Variants in CDKN2B observed in about 807,000 individuals in gnomAD.
The protein encoded by CDKN2B is cyclin dependent kinase inhibitor 2B.
A neutral mutation model predicts 7.7 loss-of-function variants in CDKN2B; 8 were observed. That is an observed-to-expected ratio of 1.04 (90% CI 0.61 to 1.87). CDKN2B has a LOEUF of 1.87. Ranked by LOEUF, CDKN2B falls within the 40% of genes most tolerant of loss-of-function variation. The pLI is 0.00. For missense variants in CDKN2B, 244 were observed against 213.1 expected (o/e 1.15, Z -0.90); for synonymous variants, 93 against 95.8 (o/e 0.97, Z 0.17).
chr9:22,009,058 T>G lies in CDKN2B; in HGVS notation c.-105A>C. On this transcript the variant is annotated 5_prime_UTR_variant, in exon 1 of 2. Transcript: ENST00000276925. The stretch of plus-strand genomic sequence containing the variant: ...ACGCTGCTCCGGCGCACTCTCTCCT[T>G]CCTAGGAGACCTGGGCTCAGCTTCA... The G allele has an allele frequency of 6.6e-7, 1 of 1,515,040 alleles. No individual in the cohort carries two copies. Among genetic ancestry groups the G allele is most frequent in the South Asian group, 1.1e-5 (1 of 87,854 alleles). 93.8% of individuals were successfully genotyped at this position (1,515,040 alleles called of 1,614,324 possible).
rs1821138261 is a variant in CDKN2B, at chr9:22,005,687, C to T, written c.*300G>A. ...CAGTCAAGGATTTCATATGCACTTT[C>T]CCTCAGAAAACCCTGAAAAGCAAAC... On this transcript the variant is annotated 3_prime_UTR_variant, in exon 2 of 2. Coordinates refer to ENST00000276925, the MANE Select transcript of CDKN2B (RefSeq NM_004936.4). The surrounding 1 kb of genome is among the most constrained non-coding windows in gnomAD (Gnocchi z 4.9). 3.8e-6 allele frequency: 2 copies of T among 526,876 alleles called. No individual in the cohort carries two copies. The highest frequency in any genetic ancestry group is 2.1e-5 in the South Asian group (1 of 47,930). 32.6% of individuals were successfully genotyped at this position (526,876 alleles called of 1,614,324 possible).
Position 22,009,243 on chromosome 9 carries a change from CTCTG to C in CDKN2B, c.-294_-291del. 1 of 558,742 alleles carries C rather than the reference CTCTG, an allele frequency of 1.8e-6. No homozygotes were observed. Among genetic ancestry groups the C allele is most frequent in the African/African-American group, 1.9e-5 (1 of 53,148 alleles). The allele number at this position is 558,742 out of a possible 1,614,324, so 34.6% of individuals were successfully genotyped here. A position where few individuals can be genotyped will look rare whatever the true frequency, so the allele number is the denominator to read the frequency against. ...GCGGACGCAGCCGAGCTCAAAGCCG[CTCTG>C]GCCGCAGGGTGCGGACGCGTCGCGG... is the stretch of plus-strand genomic sequence containing the variant. On this transcript the variant is annotated 5_prime_UTR_variant, in exon 1 of 2. Coordinates refer to ENST00000276925, the MANE Select transcript of CDKN2B (RefSeq NM_004936.4).
chr9:22,004,688 G>A lies in CDKN2B; in HGVS notation c.*1299C>T. 4.3e-6 allele frequency: 1 copy of A among 232,804 alleles called. No homozygotes were observed. Among genetic ancestry groups the A allele is most frequent in the East Asian group, 6.1e-5 (1 of 16,478 alleles). The allele number at this position is 232,804 out of a possible 1,614,324, so 14.4% of individuals were successfully genotyped here. The stretch of plus-strand genomic sequence containing the variant: ...ACCTTTAGTTTGTTCAGTGATAGTA[G>A]GACATCCCACGAGCCATCATATATT... On this transcript the variant is annotated 3_prime_UTR_variant, in exon 2 of 2. Transcript: ENST00000276925.
chr9:22,005,546 A>G lies in CDKN2B; in HGVS notation c.*441T>C, dbSNP rs1292896852. 1.1e-5 allele frequency: 4 copies of G among 366,232 alleles called. No homozygotes were observed. The highest frequency in any genetic ancestry group is 2.0e-5 in the Non-Finnish European group (4 of 197,002). The allele number at this position is 366,232 out of a possible 1,614,324, so 22.7% of individuals were successfully genotyped here. A position where few individuals can be genotyped will look rare whatever the true frequency, so the allele number is the denominator to read the frequency against. ...AGTTGTGGGTTCACCATAACTCCTC[A>G]GCAGACATTGGAGTGAACGCATCGA... is the stretch of plus-strand genomic sequence containing the variant. On this transcript the variant is annotated 3_prime_UTR_variant, in exon 2 of 2. Transcript: ENST00000276925. This position sits in a 1 kb window ranked among gnomAD's most constrained non-coding sequence, Gnocchi z 4.9.
At chr9:22,008,538 T>TCCTTG in intron 1 of CDKN2B, 1 of 845,148 alleles carries the variant, frequency 1.2e-6, no homozygotes, top group Non-Finnish European at 1.8e-6. Flanking sequence ...TCTCCCCAAT[T>TCCTTG]CAGTCTATTC....
Position 22,005,710 on chromosome 9 carries a change from A to T in CDKN2B, c.*277T>A, listed in dbSNP as rs956480469. On this transcript the variant is annotated 3_prime_UTR_variant, in exon 2 of 2. Coordinates refer to ENST00000276925, the MANE Select transcript of CDKN2B (RefSeq NM_004936.4). The surrounding 1 kb of genome is among the most constrained non-coding windows in gnomAD (Gnocchi z 4.9). Reference sequence around the variant, plus strand: ...TTCCCTCAGAAAACCCTGAAAAGCAAACGACCCCTGGAATGTCACACACTC... The same window carrying T: ...TTCCCTCAGAAAACCCTGAAAAGCATACGACCCCTGGAATGTCACACACTC... 3.4e-5 allele frequency: 19 copies of T among 556,638 alleles called. No individual in the cohort carries two copies. Among genetic ancestry groups the T allele is most frequent in the African/African-American group, 3.4e-4 (18 of 53,030 alleles). The allele number at this position is 556,638 out of a possible 1,614,324, so 34.5% of individuals were successfully genotyped here. A position where few individuals can be genotyped will look rare whatever the true frequency, so the allele number is the denominator to read the frequency against.
In CDKN2B at chr9:22,006,037, G is replaced by A. The variant is rs1167893458; in HGVS notation, c.367C>T (p.Arg123Trp). The change falls in exon 2 of 2, where the codon CGG becomes TGG. Residue 123 changes from arginine to tryptophan, a missense_variant. Physicochemically the swap from Arg to Trp is moderately radical, Grantham distance 101. Coordinates refer to ENST00000276925, the MANE Select transcript of CDKN2B (RefSeq NM_004936.4). This position sits in a 1 kb window ranked among gnomAD's most constrained non-coding sequence, Gnocchi z 6.4. ...TACCCTGCAACGTCGCGGTGGCCCCGCTCCTCGGCCAAGTCCACGGGCAGA... is the reference window on the plus strand; with the variant it reads ...TACCCTGCAACGTCGCGGTGGCCCCACTCCTCGGCCAAGTCCACGGGCAGA... The part of the protein sequence containing the change: ...GRLPVDLAEE[R>W]GHRDVAGYLR... The A allele has an allele frequency of 6.9e-6, 11 of 1,604,112 alleles. No homozygotes were observed. Among genetic ancestry groups the A allele is most frequent in the African/African-American group, 1.3e-5 (1 of 74,918 alleles).
rs1403172358 is a variant in CDKN2B at position 22,003,608 on chromosome 9, C to T, written c.*2379G>A. The T allele has an allele frequency of 2.6e-5, 6 of 229,228 alleles. No individual in the cohort carries two copies. Among genetic ancestry groups the T allele is most frequent in the African/African-American group, 1.3e-4 (6 of 45,110 alleles). 14.2% of individuals were successfully genotyped at this position (229,228 alleles called of 1,614,324 possible). A position where few individuals can be genotyped will look rare whatever the true frequency, so the allele number is the denominator to read the frequency against. On this transcript the variant is annotated 3_prime_UTR_variant, in exon 2 of 2. Transcript: ENST00000276925. ...TTCTAATAATTGTAAAATACTGTAA[C>T]TTTAAAAATATTATTCTTGTAGCCT... is the stretch of plus-strand genomic sequence containing the variant.
chr9:22,008,807 G>C lies in CDKN2B; in HGVS notation c.147C>G (p.Arg49=), dbSNP rs772483505. The C allele has an allele frequency of 6.2e-7, 1 of 1,604,794 alleles. No individual in the cohort carries two copies. Among genetic ancestry groups the C allele is most frequent in the Non-Finnish European group, 8.5e-7 (1 of 1,175,554 alleles). The change falls in exon 1 of 2, where the codon CGC becomes CGG. Residue 49 remains arginine, a synonymous_variant. Transcript: ENST00000276925. ...DPNGVNRFGR[R]AIQVMMMGSA... is the part of the protein sequence containing the mutation. ...CTGGGGCCCCAGCTACCTGGATCGC[G>C]CGCCTCCCGAAACGGTTGACTCCGT...
Position 22,003,204 on chromosome 9 carries a change from G to T in CDKN2B, c.*2783C>A, listed in dbSNP as rs1820997992. 1 of 216,250 alleles carries T rather than the reference G, an allele frequency of 4.6e-6. No individual in the cohort carries two copies. The allele number at this position is 216,250 out of a possible 1,614,324, so 13.4% of individuals were successfully genotyped here. On this transcript the variant is annotated 3_prime_UTR_variant, in exon 2 of 2. Transcript: ENST00000276925. ...CGAAAATGGAATTAATTTTTACATGGCATTGATAAGTTACTATTTCAATAC... is the reference window on the plus strand; with the variant it reads ...CGAAAATGGAATTAATTTTTACATGTCATTGATAAGTTACTATTTCAATAC...
In CDKN2B at chr9:22,005,615, G is replaced by C. The variant is rs557999070; in HGVS notation, c.*372C>G. On this transcript the variant is annotated 3_prime_UTR_variant, in exon 2 of 2. Transcript: ENST00000276925. The surrounding 1 kb of genome is among the most constrained non-coding windows in gnomAD (Gnocchi z 4.9). The stretch of plus-strand genomic sequence containing the variant: ...TAATCACTGCCTTCTCCCACTCAGC[G>C]CTGGAGTGGGAGATTCATCCATCGG... 2.2e-6 allele frequency: 1 copy of C among 445,384 alleles called. No homozygotes were observed. The highest frequency in any genetic ancestry group is 4.2e-6 in the Non-Finnish European group (1 of 239,416). 27.6% of individuals were successfully genotyped at this position (445,384 alleles called of 1,614,324 possible). A position where few individuals can be genotyped will look rare whatever the true frequency, so the allele number is the denominator to read the frequency against.
rs186915914 is a variant in CDKN2B at position 22,003,441 on chromosome 9, G to A, written c.*2546C>T. The A allele has an allele frequency of 1.0e-3, 229 of 226,604 alleles. 3 individuals carry two copies. Among genetic ancestry groups the A allele is most frequent in the African/African-American group, 4.7e-3 (212 of 45,110 alleles). 14.0% of individuals were successfully genotyped at this position (226,604 alleles called of 1,614,324 possible). A position where few individuals can be genotyped will look rare whatever the true frequency, so the allele number is the denominator to read the frequency against. On this transcript the variant is annotated 3_prime_UTR_variant, in exon 2 of 2. Coordinates refer to ENST00000276925, the MANE Select transcript of CDKN2B (RefSeq NM_004936.4). ...TAACATGTTTCATATCTATTTCAAGGGATAATTTTTCATGACCCAGTATAA... is the reference window on the plus strand; with the variant it reads ...TAACATGTTTCATATCTATTTCAAGAGATAATTTTTCATGACCCAGTATAA...
Position 22,008,989 on chromosome 9 carries a change from C to G in CDKN2B, c.-36G>C, listed in dbSNP as rs1399938505. 6.2e-7 allele frequency: 1 copy of G among 1,613,448 alleles called. No individual in the cohort carries two copies. Among genetic ancestry groups the G allele is most frequent in the Non-Finnish European group, 8.5e-7 (1 of 1,179,942 alleles). On this transcript the variant is annotated 5_prime_UTR_variant, in exon 1 of 2. Transcript: ENST00000276925. Reference sequence around the variant, plus strand: ...CCAGACGCGCAGCGGCCCGGATAATCCACCGTTGGCCGTAAACTTAACGAC... The same window carrying G: ...CCAGACGCGCAGCGGCCCGGATAATGCACCGTTGGCCGTAAACTTAACGAC...
In CDKN2B at chr9:22,005,936, G is replaced by T. The variant is rs1157995763; in HGVS notation, c.*51C>A. The T allele has an allele frequency of 6.3e-7, 1 of 1,592,742 alleles. No homozygotes were observed. Among genetic ancestry groups the T allele is most frequent in the Non-Finnish European group, 8.5e-7 (1 of 1,177,336 alleles). ...TCATCGAATTAGGTGGGTGGGGGTG[G>T]GAAATTGGGTAAGAAAATAAAGTCG... On this transcript the variant is annotated 3_prime_UTR_variant, in exon 2 of 2. Transcript: ENST00000276925. This position sits in a 1 kb window ranked among gnomAD's most constrained non-coding sequence, Gnocchi z 4.9.
intron 1 of CDKN2B, 66 bp downstream of exon 1, chr9:22,008,732 G>C (rs749734284): frequency 7.4e-6 from 12 of 1,610,756 alleles, no homozygotes; most frequent in Non-Finnish European, 1.0e-5. Flanking sequence ...TTCCAGCCCC[G>C]ATCCGCCGAG....
chr9:22,008,898 G>T lies in CDKN2B; in HGVS notation c.56C>A (p.Ala19Asp), dbSNP rs184392037. Residue 19 changes from alanine (A) to aspartate (D), a missense_variant, in exon 1 of 2, where the codon GCC becomes GAC. Ala to Asp is a moderately radical substitution (Grantham distance 126). Coordinates refer to ENST00000276925, the MANE Select transcript of CDKN2B (RefSeq NM_004936.4). ...CACTAGTCCCCGCGCCGCGGCGCTG[G>T]CCAGACCCTCATCGCTGCCGCCCCC... ...PSGGGSDEGL[A>D]SAAARGLVEK... 307 of 1,612,786 alleles carry T rather than the reference G, an allele frequency of 1.9e-4. 1 individual carries two copies. Among genetic ancestry groups the T allele is most frequent in the Non-Finnish European group, 7.6e-5 (90 of 1,179,858 alleles).
Sources: allele counts gnomAD v4.1 joint callset, GRCh38; gene constraint gnomAD v4.1.1; non-coding constraint Gnocchi (gnomAD v3.1); transcripts MANE v1.5; gene names NCBI Gene and HGNC (gene_info 2026-07-23, HGNC 2026-07-21).